Variants in CFAP144 observed in about 807,000 individuals in gnomAD.
CFAP144 encodes cilia- and flagella-associated protein 144.
chr1:43,148,106 G>A, the CFAP144 span: 2 of 1,611,064 alleles, frequency 1.2e-6, no homozygotes, highest in Non-Finnish European at 8.5e-7. Context: ...GGCGGGGTGG[G>A]GGAAGGGCGA....
chr1:43,147,822 C>G, the CFAP144 span: 3 of 1,514,762 alleles, frequency 2.0e-6, no homozygotes, highest in Non-Finnish European at 2.6e-6. Context: ...GAGACCCGCC[C>G]CGACCGGGCA....
At chr1:43,145,414 G>T in the CFAP144 span, 3 of 783,328 alleles carry the variant, frequency 3.8e-6, no homozygotes, top group Middle Eastern at 5.9e-4. Flanking sequence ...CTTTGGTCTG[G>T]TTCCTCCCAG....
At chr1:43,154,411 T>G in the CFAP144 span, among the ~76,000 whole-genome samples, 5 of 86,216 alleles carry the variant, frequency 5.8e-5, no homozygotes, top group East Asian at 1.5e-3. Context: ...TATACATATA[T>G]ACGCACATAT....
the CFAP144 span, among the ~76,000 whole-genome samples, chr1:43,143,662 C>T: frequency 2.0e-4 from 31 of 152,160 alleles, no homozygotes; most frequent in African/African-American, 6.3e-4. Context: ...GTTAGGCACC[C>T]AGGAGTGGGC....
the CFAP144 span, among the ~76,000 whole-genome samples, chr1:43,151,600 G>A: frequency 6.6e-6 from 1 of 152,168 alleles, no homozygotes; most frequent in African/African-American, 2.4e-5. Flanking sequence ...ATGACTACAA[G>A]TAGTTTGGCA....
At chr1:43,146,751 G>T in the CFAP144 span, among the ~76,000 whole-genome samples, 9 of 152,374 alleles carry the variant, frequency 5.9e-5, no homozygotes, top group East Asian at 1.7e-3. Context: ...ATGAATGAAT[G>T]AAGTACTGAG....
chr1:43,156,269 T>A, the CFAP144 span: 11 of 1,614,030 alleles, frequency 6.8e-6, no homozygotes, highest in Non-Finnish European at 7.6e-6. Flanking sequence ...CATCACTCTG[T>A]ACAAGGCTAA....
chr1:43,152,756 G>A, the CFAP144 span: 30 of 1,437,168 alleles, frequency 2.1e-5, 1 homozygote, highest in East Asian at 9.9e-5. Flanking sequence ...CAATGTGGAC[G>A]CAGGAAAGGG....
At chr1:43,156,003 G>A in the CFAP144 span, among the ~76,000 whole-genome samples, 1 of 152,196 alleles carries the variant, frequency 6.6e-6, no homozygotes, top group African/African-American at 2.4e-5. Flanking sequence ...GTCAGGCAGT[G>A]TGACAGGGAG....
chr1:43,146,444 G>T, the CFAP144 span, among the ~76,000 whole-genome samples: 1 of 152,044 alleles, frequency 6.6e-6, no homozygotes, highest in Non-Finnish European at 1.5e-5. Context: ...GTAACCTCAG[G>T]TCATCAAATT....
At chr1:43,147,856 G>A in the CFAP144 span, 7 of 1,557,156 alleles carry the variant, frequency 4.5e-6, no homozygotes, top group Non-Finnish European at 6.1e-6. Flanking sequence ...GCTGTTGCCT[G>A]GAGACCACGG....
chr1:43,148,107 G>C, the CFAP144 span: 1 of 1,610,908 alleles, frequency 6.2e-7, no homozygotes, highest in South Asian at 1.1e-5. Context: ...GCGGGGTGGG[G>C]GAAGGGCGAG....
chr1:43,145,124 C>A, the CFAP144 span: 1 of 694,092 alleles, frequency 1.4e-6, no homozygotes, highest in Non-Finnish European at 2.5e-6. Context: ...TTTTTTTTGA[C>A]AGTTTGCTCC....
At chr1:43,154,062 G>GTATATA in the CFAP144 span, among the ~76,000 whole-genome samples, 2,249 of 83,334 alleles carry the variant, frequency 0.027, 39 homozygotes, top group East Asian at 0.058. Context: ...ATATGTGTGT[G>GTATATA]TATATATATA....
At chr1:43,151,013 A>C in the CFAP144 span, among the ~76,000 whole-genome samples, 1 of 152,230 alleles carries the variant, frequency 6.6e-6, no homozygotes, top group East Asian at 1.9e-4. Flanking sequence ...GAATAAAAAA[A>C]ATAAAAATTT....
the CFAP144 span, chr1:43,145,348 T>C: frequency 7.3e-7 from 1 of 1,371,230 alleles, no homozygotes; most frequent in Non-Finnish European, 1.0e-6. Flanking sequence ...CCCCTGAGAA[T>C]CACACATAGG....
chr1:43,147,700 G>T, the CFAP144 span: 1,228 of 899,304 alleles, frequency 1.4e-3, 19 homozygotes, highest in African/African-American at 0.02. Flanking sequence ...AGCCGGGCCT[G>T]AGGAGCTGGG....
chr1:43,149,411 A>G, the CFAP144 span, among the ~76,000 whole-genome samples: 2 of 152,138 alleles, frequency 1.3e-5, no homozygotes, highest in Admixed American at 1.3e-4. Flanking sequence ...GTCATTTCCC[A>G]CTTTACCTGC....
the CFAP144 span, among the ~76,000 whole-genome samples, chr1:43,150,156 G>A: frequency 9.2e-5 from 14 of 152,270 alleles, no homozygotes; most frequent in East Asian, 2.1e-3. Context: ...TACATTTGCC[G>A]GGTGATATAT....
Sources: allele counts gnomAD v4.1 joint callset (sites outside exome capture counted in the v4.1 genomes callset), GRCh38; gene constraint gnomAD v4.1.1; transcripts MANE v1.5; gene names NCBI Gene and HGNC (gene_info 2026-07-23, HGNC 2026-07-21).